The following TENM1 variants were observed in gnomAD, a reference collection of about 807,000 sequenced individuals.
TENM1 encodes the protein teneurin transmembrane protein 1.
TENM1 carries 35 observed loss-of-function variants against 174.8 expected under a neutral mutation model. That is an observed-to-expected ratio of 0.20 (90% confidence interval 0.15 to 0.27). The LOEUF is 0.27. Ranked by LOEUF, TENM1 falls within the 10% of genes least tolerant of loss-of-function variation. The probability of loss-of-function intolerance (pLI) is 1.00; values close to 1 mark genes in which losing one functional copy is unlikely to be tolerated. For synonymous variants in TENM1, 781 were observed against 798.7 expected, an observed-to-expected ratio of 0.98 and a Z score of 0.37; for missense variants, 1,633 against 2,130.1, an observed-to-expected ratio of 0.77 and a Z score of 4.59.
At chrX:124,887,551 T>C (rs2057410165) in intron 3 of TENM1, among the ~76,000 whole-genome samples, 1 of 111,827 alleles carries the variant, frequency 8.9e-6, no homozygotes, top group Non-Finnish European at 1.9e-5. Flanking sequence ...ATAAAGATAA[T>C]AGTAGCTAAA....
At chrX:124,844,653 G>A (rs183420338) in intron 3 of TENM1, among the ~76,000 whole-genome samples, 382 of 111,638 alleles carry the variant, frequency 3.4e-3, no homozygotes, top group African/African-American at 0.012. Flanking sequence ...TTCATGTTGA[G>A]AAATAATATG....
At chrX:125,031,208 T>C in the TENM1 span, among the ~76,000 whole-genome samples, 1 of 111,101 alleles carries the variant, frequency 9.0e-6, no homozygotes, top group Non-Finnish European at 1.9e-5. Context: ...GAAGATGTGG[T>C]ACTTGGTTTT....
At chrX:124,742,153 C>T (rs924338272) in intron 3 of TENM1, among the ~76,000 whole-genome samples, 1 of 111,689 alleles carries the variant, frequency 9.0e-6, no homozygotes, top group African/African-American at 3.3e-5. Context: ...TCTTTAGTGA[C>T]ACTGTGACAA....
intron 11 of TENM1, among the ~76,000 whole-genome samples, chrX:124,578,652 C>T (rs1325911690): frequency 8.9e-6 from 1 of 111,958 alleles, no homozygotes; most frequent in Non-Finnish European, 1.9e-5. Context: ...GTTTCCAATA[C>T]ACTTATCTGG....
chrX:124,382,715 C>T lies in TENM1; in HGVS notation c.7395G>A (p.Glu2465=), dbSNP rs1040697389. The T allele has an allele frequency of 5.0e-6, 6 of 1,205,994 alleles. No homozygotes were observed. In the Admixed American group the frequency reaches 1.1e-4, roughly 22 times the overall value. ...GAGTTTTTGTCTGAAGCCGTAGAAG[C>T]TCGTAAGTTAATTCTAAATTTTCTA... The change falls in exon 31 of 32, where the codon GAG becomes GAA. Residue 2465 remains glutamate (E), a synonymous_variant. Coordinates refer to ENST00000422452, the Ensembl canonical transcript of TENM1.
intron 1 of TENM1, among the ~76,000 whole-genome samples, chrX:124,928,603 A>T (rs771766407): frequency 1.4e-4 from 16 of 112,287 alleles, no homozygotes; most frequent in Admixed American, 1.3e-3. Flanking sequence ...ACTTTGGCAC[A>T]TTACCCATCT....
the TENM1 span, among the ~76,000 whole-genome samples, chrX:125,108,748 G>GTA: frequency 2.9e-4 from 31 of 105,531 alleles, no homozygotes; most frequent in South Asian, 1.3e-3. Context: ...ACACACACGT[G>GTA]TATATATATA....
At chrX:124,972,006 G>A in the TENM1 span, among the ~76,000 whole-genome samples, 15,464 of 109,814 alleles carry the variant, frequency 0.14, 1,065 homozygotes, top group Non-Finnish European at 0.21. Flanking sequence ...AGGCCTAGGC[G>A]GGCAGATCAC....
chrX:124,612,820 C>G (rs2050310436), intron 11 of TENM1, among the ~76,000 whole-genome samples: 1 of 110,553 alleles, frequency 9.0e-6, no homozygotes, highest in Admixed American at 9.7e-5. Context: ...GATCATCTAT[C>G]TATCATTGAT....
the TENM1 span, among the ~76,000 whole-genome samples, chrX:125,088,019 C>T: frequency 2.7e-5 from 3 of 110,876 alleles, no homozygotes; most frequent in Non-Finnish European, 5.7e-5. Context: ...GGAGGAGTAA[C>T]TTTACAATGG....
chrX:125,028,701 T>G, the TENM1 span, among the ~76,000 whole-genome samples: 1 of 111,825 alleles, frequency 8.9e-6, no homozygotes, highest in Non-Finnish European at 1.9e-5. Flanking sequence ...AAAATATTCA[T>G]ATATCAGAAA....
chrX:124,898,245 C>T (rs935163122), intron 1 of TENM1, among the ~76,000 whole-genome samples: 10 of 111,012 alleles, frequency 9.0e-5, no homozygotes, highest in Middle Eastern at 4.2e-3. Context: ...CGAATGACTT[C>T]CCTGGTGAGA....
chrX:125,056,734 T>C, the TENM1 span, among the ~76,000 whole-genome samples: 2 of 111,962 alleles, frequency 1.8e-5, no homozygotes, highest in African/African-American at 6.5e-5. Context: ...TCCAGCTCCG[T>C]AATTGATTCT....
intron 3 of TENM1, among the ~76,000 whole-genome samples, chrX:124,799,588 C>G (rs1448727577): frequency 1.8e-5 from 2 of 111,273 alleles, no homozygotes; most frequent in Non-Finnish European, 3.8e-5. Flanking sequence ...ATTTAAATAT[C>G]CTTTATTTCT....
the TENM1 span, among the ~76,000 whole-genome samples, chrX:125,037,269 T>C: frequency 5.4e-5 from 6 of 110,319 alleles, no homozygotes; most frequent in Non-Finnish European, 1.1e-4. Flanking sequence ...TTGATTCTCA[T>C]TGGTGCCCTC....
chrX:125,027,266 T>C, the TENM1 span, among the ~76,000 whole-genome samples: 1 of 110,714 alleles, frequency 9.0e-6, no homozygotes, highest in African/African-American at 3.3e-5. Context: ...ATATGAGTAA[T>C]AACAAATTAG....
At chrX:125,038,212 T>G in the TENM1 span, among the ~76,000 whole-genome samples, 3 of 110,962 alleles carry the variant, frequency 2.7e-5, no homozygotes, top group Non-Finnish European at 5.7e-5. Context: ...TAGAGATGTT[T>G]CTTGCCCTTT....
chrX:124,468,479 G>A (rs1250451404), intron 22 of TENM1, among the ~76,000 whole-genome samples: 1 of 112,462 alleles, frequency 8.9e-6, no homozygotes, highest in Non-Finnish European at 1.9e-5. Flanking sequence ...CCCGCGCCCG[G>A]CACATATCTA....
chrX:124,640,853 C>T (rs1304962564), intron 11 of TENM1, among the ~76,000 whole-genome samples: 1 of 107,340 alleles, frequency 9.3e-6, no homozygotes, highest in Admixed American at 1.0e-4. Context: ...CCCAGCTACT[C>T]GGGAGGCTGA....
Sources: allele counts gnomAD v4.1 joint callset (sites outside exome capture counted in the v4.1 genomes callset), GRCh38; gene constraint gnomAD v4.1.1; transcripts MANE v1.5; gene names NCBI Gene and HGNC (gene_info 2026-07-23, HGNC 2026-07-21).